Variants in CCDC6 observed in about 807,000 individuals in gnomAD.
CCDC6 encodes coiled-coil domain containing 6.
In CCDC6, 20 loss-of-function variants were observed where a neutral mutation model predicts 56.6. The ratio of observed to expected loss-of-function variants is 0.35; its 90% CI spans 0.25 to 0.51. CCDC6 has a LOEUF of 0.51. CCDC6 is among the 20% of genes least tolerant of loss of function. The probability of loss-of-function intolerance (pLI) is 0.95; values close to 1 mark genes in which losing one functional copy is unlikely to be tolerated. For synonymous variants in CCDC6, 241 were observed against 234.4 expected, an observed-to-expected ratio of 1.03 and a Z score of -0.26; for missense variants, 367 against 601.1, an observed-to-expected ratio of 0.61 and a Z score of 4.07.
At chr10:59,847,700 G>A (rs1448103900) in intron 2 of CCDC6, among the ~76,000 whole-genome samples, 1 of 151,732 alleles carries the variant, frequency 6.6e-6, no homozygotes, top group Non-Finnish European at 1.5e-5. Context: ...AGTTACAAAA[G>A]TATCATGTTG....
intron 3 of CCDC6, among the ~76,000 whole-genome samples, chr10:59,829,618 AGG>A (rs2070818293): frequency 6.6e-6 from 1 of 152,216 alleles, no homozygotes; most frequent in Non-Finnish European, 1.5e-5. Context: ...CAGATACAAC[AGG>A]GATGAAAACA....
intron 7 of CCDC6, among the ~76,000 whole-genome samples, chr10:59,797,362 A>G (rs998343665): frequency 3.3e-5 from 5 of 152,034 alleles, no homozygotes; most frequent in African/African-American, 9.7e-5. Context: ...TAGATCTTAT[A>G]TTGAGAGGTC....
chr10:59,881,832 G>T (rs1280571538), intron 1 of CCDC6, among the ~76,000 whole-genome samples: 1 of 152,218 alleles, frequency 6.6e-6, no homozygotes, highest in African/African-American at 2.4e-5. Context: ...TGATAGGGTA[G>T]ACGTAACCTC....
At chr10:59,876,589 GAA>G (rs10714988) in intron 1 of CCDC6, among the ~76,000 whole-genome samples, 21,221 of 101,544 alleles carry the variant, frequency 0.21, 1,607 homozygotes, top group African/African-American at 0.24. Context: ...TGTTAAGGGG[GAA>G]AAAAAAAAAA....
chr10:59,904,198 G>A (rs1204999930), intron 1 of CCDC6, among the ~76,000 whole-genome samples: 1 of 152,068 alleles, frequency 6.6e-6, no homozygotes, highest in Non-Finnish European at 1.5e-5. Flanking sequence ...GTGTAGTTAA[G>A]GGTAAGTGCT....
chr10:59,827,991 G>T (rs182253177), intron 3 of CCDC6, among the ~76,000 whole-genome samples: 2 of 152,324 alleles, frequency 1.3e-5, no homozygotes, highest in Non-Finnish European at 2.9e-5. Context: ...TTTCAGAGCA[G>T]AGTACACAAA....
At chr10:59,828,764 T>G (rs1215994617) in intron 3 of CCDC6, among the ~76,000 whole-genome samples, 1 of 152,066 alleles carries the variant, frequency 6.6e-6, no homozygotes, top group African/African-American at 2.4e-5. Context: ...TGCAGCAAAC[T>G]CTGGAGGGAG....
intron 1 of CCDC6, among the ~76,000 whole-genome samples, chr10:59,861,678 A>G (rs1471928856): frequency 2.0e-5 from 3 of 152,208 alleles, no homozygotes; most frequent in Non-Finnish European, 2.9e-5. Context: ...CTAATTAGAG[A>G]TGAAGAATTC....
rs926685141 is a variant in CCDC6, at chr10:59,892,492, G to A, written c.303+13630C>T. 2.6e-5 allele frequency among the ~76,000 whole-genome samples: 4 copies of A among 152,272 alleles called. No individual in the cohort carries two copies. The East Asian group carries it at 5.8e-4, about 22-fold the overall frequency. On this transcript the variant is annotated intron_variant, in intron 1 of 8. Coordinates refer to ENST00000263102, the MANE Select transcript of CCDC6 (RefSeq NM_005436.5). ...GTTGCGAGGCTCCCCAACCTGCGGTGCACAGGGAGCTTGGTGCGGCCTCAA... is the reference window on the plus strand; with the variant it reads ...GTTGCGAGGCTCCCCAACCTGCGGTACACAGGGAGCTTGGTGCGGCCTCAA...
chr10:59,795,619 T>C (rs1224019771), intron 7 of CCDC6, among the ~76,000 whole-genome samples: 1 of 133,484 alleles, frequency 7.5e-6, no homozygotes, highest in Non-Finnish European at 1.6e-5. Context: ...GTTATGCCTC[T>C]CCCCTCCCCC....
At chr10:59,801,309 T>C (rs773476356) in intron 7 of CCDC6, among the ~76,000 whole-genome samples, 4 of 152,082 alleles carry the variant, frequency 2.6e-5, no homozygotes, top group Non-Finnish European at 4.4e-5. Flanking sequence ...GGAAACAATA[T>C]CCTCTTTAAC....
intron 3 of CCDC6, among the ~76,000 whole-genome samples, chr10:59,823,768 T>C (rs1393493801): frequency 6.6e-6 from 1 of 152,192 alleles, no homozygotes; most frequent in Non-Finnish European, 1.5e-5. Flanking sequence ...TATTTAGCCA[T>C]TCATTCATTT....
chr10:59,799,922 T>C (rs940128409), intron 7 of CCDC6, among the ~76,000 whole-genome samples: 1 of 152,198 alleles, frequency 6.6e-6, no homozygotes, highest in African/African-American at 2.4e-5. Context: ...ACAAAGTGCT[T>C]TGAGAGTGCC....
chr10:59,796,164 C>A (rs1447768745), intron 7 of CCDC6, among the ~76,000 whole-genome samples: 1 of 152,132 alleles, frequency 6.6e-6, no homozygotes, highest in Non-Finnish European at 1.5e-5. Flanking sequence ...TTAATGATTG[C>A]CATTCTAACT....
chr10:59,794,394 C>G, intron 8 of CCDC6, 79 bp downstream of exon 8: 1 of 1,448,062 alleles, frequency 6.9e-7, no homozygotes, highest in Non-Finnish European at 9.6e-7. Flanking sequence ...TGTCTAAGGG[C>G]ACCGATCCTG....
At chr10:59,813,689 C>T (rs1470677912) in intron 4 of CCDC6, among the ~76,000 whole-genome samples, 3 of 152,114 alleles carry the variant, frequency 2.0e-5, no homozygotes, top group Non-Finnish European at 4.4e-5. Context: ...TTATAATGGT[C>T]CCTGCATTTA....
intron 1 of CCDC6, among the ~76,000 whole-genome samples, chr10:59,870,152 G>A (rs2071215902): frequency 6.6e-6 from 1 of 152,144 alleles, no homozygotes; most frequent in African/African-American, 2.4e-5. Context: ...CAGGGCCACT[G>A]GTGACTTCAG....
At chr10:59,885,544 A>G (rs1289322691) in intron 1 of CCDC6, among the ~76,000 whole-genome samples, 1 of 152,164 alleles carries the variant, frequency 6.6e-6, no homozygotes, top group Non-Finnish European at 1.5e-5. Flanking sequence ...TTCAAGATTC[A>G]GGACTGAGAG....
At chr10:59,894,434 T>C (rs2071447478) in intron 1 of CCDC6, among the ~76,000 whole-genome samples, 1 of 152,198 alleles carries the variant, frequency 6.6e-6, no homozygotes, top group Admixed American at 6.5e-5. Flanking sequence ...AATCTCCTCA[T>C]TCCAGAGCCT....
Sources: allele counts gnomAD v4.1 joint callset (sites outside exome capture counted in the v4.1 genomes callset), GRCh38; gene constraint gnomAD v4.1.1; transcripts MANE v1.5; gene names NCBI Gene and HGNC (gene_info 2026-07-23, HGNC 2026-07-21).